The following GALNT15 variants were observed in gnomAD, a reference collection of about 807,000 sequenced individuals.
GALNT15 encodes UDP-GalNAc transferase T15.
Under a neutral mutation model 66.8 loss-of-function variants are expected in GALNT15, and 67 were observed. The ratio of observed to expected loss-of-function variants is 1.00; its 90% confidence interval spans 0.82 to 1.23. The LOEUF is 1.23. Ranked by LOEUF, GALNT15 falls within the 50% of genes most tolerant of loss-of-function variation. The pLI is 0.00. For missense variants in GALNT15, 827 were observed against 804.3 expected, an observed-to-expected ratio of 1.03 and a Z score of -0.34; for synonymous variants, 313 against 311.5, an observed-to-expected ratio of 1.00 and a Z score of -0.05.
At chr3:16,178,042 A>T (rs1365950612) in intron 1 of GALNT15, among the ~76,000 whole-genome samples, 3 of 152,032 alleles carry the variant, frequency 2.0e-5, no homozygotes, top group Non-Finnish European at 4.4e-5. Context: ...TGTACTGTGC[A>T]TGTACTGTGC....
downstream of GALNT15, among the ~76,000 whole-genome samples, chr3:16,236,210 A>C (rs1359475342): frequency 6.6e-6 from 1 of 151,124 alleles, no homozygotes; most frequent in Non-Finnish European, 1.5e-5. Flanking sequence ...GATTGTTGCC[A>C]CATACCACCA....
At chr3:16,213,772 G>A (rs17272376) in intron 6 of GALNT15, among the ~76,000 whole-genome samples, 5,990 of 152,234 alleles carry the variant, frequency 0.039, 173 homozygotes, top group Non-Finnish European at 0.059. Flanking sequence ...AGCCTAGGCC[G>A]CTTAAATGGA....
At position 16,186,470 on chromosome 3, in the gene GALNT15, A is replaced by G. The variant is rs1226352810; in HGVS notation, c.540-9290A>G. Among the ~76,000 whole-genome samples, 1 of 152,242 alleles carries G rather than the reference A, an allele frequency of 6.6e-6. No homozygotes were observed. The highest frequency in any genetic ancestry group is 1.5e-5 in the Non-Finnish European group (1 of 68,044). On this transcript the variant is annotated intron_variant, in intron 1 of 9. Coordinates refer to ENST00000339732, the MANE Select transcript of GALNT15 (RefSeq NM_054110.5). This position sits in a 1 kb window ranked among gnomAD's most constrained non-coding sequence, Gnocchi z 5.1. ...TCAAGAAAATTAAAAACATGTTCAC[A>G]TGAAAACTTATACATGAATATTCAT...
rs1323473802 is a variant in GALNT15, at chr3:16,228,919, C to T, written c.*1419C>T. On this transcript the variant is annotated 3_prime_UTR_variant, in exon 10 of 10. Coordinates refer to ENST00000339732, the MANE Select transcript of GALNT15 (RefSeq NM_054110.5). ...GGAAGAACACGGCTCATCTGGAGCA[C>T]AGCTGAGGCTAGTAAGAGCTAAATG... The T allele has an allele frequency of 1.0e-5, 10 of 985,342 alleles. No individual in the cohort carries two copies. The East Asian group carries it at 3.4e-4, about 33-fold the overall frequency. The allele number at this position is 985,342 out of a possible 1,614,324, so 61.0% of individuals were successfully genotyped here.
At chr3:16,244,811 C>G in the GALNT15 span, among the ~76,000 whole-genome samples, 2 of 151,988 alleles carry the variant, frequency 1.3e-5, no homozygotes, top group African/African-American at 2.4e-5. Flanking sequence ...GCATGTCACC[C>G]AAACTGAGGT....
Position 16,204,130 on chromosome 3 carries a change from C to T in GALNT15, c.911+3307C>T, listed in dbSNP as rs925395234. On this transcript the variant is annotated intron_variant, in intron 3 of 9. Coordinates refer to ENST00000339732, the MANE Select transcript of GALNT15 (RefSeq NM_054110.5). The surrounding 1 kb of genome is among the most constrained non-coding windows in gnomAD (Gnocchi z 4.5). ...AATCAGCTCTTTCAAAGAGCCGTAG[C>T]CTCCTCCACACCCTGGCCAAGGAAT... 1.3e-5 allele frequency among the ~76,000 whole-genome samples: 2 copies of T among 152,068 alleles called. No individual in the cohort carries two copies. Among genetic ancestry groups the T allele is most frequent in the African/African-American group, 4.8e-5 (2 of 41,396 alleles).
the GALNT15 span, among the ~76,000 whole-genome samples, chr3:16,239,802 G>T: frequency 2.0e-5 from 3 of 152,220 alleles, no homozygotes; most frequent in Non-Finnish European, 4.4e-5. The surrounding 1 kb of genome is among the most constrained non-coding windows in gnomAD (Gnocchi z 5.2). Flanking sequence ...AGTGAAGGGG[G>T]TGGGCTTCCC....
Position 16,229,368 on chromosome 3 carries a change from G to A in GALNT15, c.*1868G>A. On this transcript the variant is annotated 3_prime_UTR_variant, in exon 10 of 10. Coordinates refer to ENST00000339732, the MANE Select transcript of GALNT15 (RefSeq NM_054110.5). Reference sequence around the variant, plus strand: ...TAAAACTCAATTCCTCAATTGGGCTGGCCACATTTCAAATGCTCACTACCC... The same window carrying A: ...TAAAACTCAATTCCTCAATTGGGCTAGCCACATTTCAAATGCTCACTACCC... The A allele has an allele frequency of 1.2e-6, 1 of 842,320 alleles. No homozygotes were observed. Among genetic ancestry groups the A allele is most frequent in the Non-Finnish European group, 1.4e-6 (1 of 699,734 alleles). 52.2% of individuals were successfully genotyped at this position (842,320 alleles called of 1,614,324 possible).
rs1186632184 is a variant in GALNT15, at chr3:16,203,461, T to C, written c.911+2638T>C. 6.6e-6 allele frequency among the ~76,000 whole-genome samples: 1 copy of C among 151,886 alleles called. No individual in the cohort carries two copies. The highest frequency in any genetic ancestry group is 2.4e-5 in the African/African-American group (1 of 41,294). On this transcript the variant is annotated intron_variant, in intron 3 of 9. Transcript: ENST00000339732. This position sits in a 1 kb window ranked among gnomAD's most constrained non-coding sequence, Gnocchi z 6.2. ...CCCTCTCCTCTTTTCCTCTCCTGTC[T>C]GTCTCTGCCTCTCTACCTCTCTCAC...
rs1370868573 is a variant in GALNT15, at chr3:16,200,812, A to C, written c.900A>C (p.Ile300=). The change falls in exon 3 of 10, where the codon ATA becomes ATC. Residue 300 remains isoleucine (I), a synonymous_variant. Coordinates refer to ENST00000339732, the MANE Select transcript of GALNT15 (RefSeq NM_054110.5). The surrounding 1 kb of genome is among the most constrained non-coding windows in gnomAD (Gnocchi z 4.4). ...GGCTGGAGCCCCTCCTCAGCAGAAT[A>C]GCTGGTGACAGGTAACTTATTCCCT... The part of the protein sequence containing the change: ...PGWLEPLLSR[I]AGDRSRVVSP... The C allele has an allele frequency of 6.2e-7, 1 of 1,605,554 alleles. No homozygotes were observed. Among genetic ancestry groups the C allele is most frequent in the Admixed American group, 1.7e-5 (1 of 58,760 alleles).
rs370556963 is a variant in GALNT15 at position 16,175,503 on chromosome 3, C to T, written c.352C>T (p.Arg118Cys). The change falls in exon 1 of 10, where the codon CGC (arginine) becomes TGC (cysteine). Residue 118 changes from arginine (R) to cysteine (C), a missense_variant. By Grantham distance (180) the Arg-to-Cys change is radical. Transcript: ENST00000339732. The surrounding 1 kb of genome is among the most constrained non-coding windows in gnomAD (Gnocchi z 5.6). ...QSQGRRGGSY[R>C]LIKQPRRQDK... ...CCAGGGCAGGAGAGGTGGGAGCTAC[C>T]GCCTCATCAAGCAGCCAAGGAGGCA... 1.7e-5 allele frequency: 28 copies of T among 1,613,810 alleles called. No individual in the cohort carries two copies. Among genetic ancestry groups the T allele is most frequent in the African/African-American group, 1.1e-4 (8 of 74,910 alleles).
intron 9 of GALNT15, among the ~76,000 whole-genome samples, chr3:16,226,288 G>A (rs536489614): frequency 3.3e-5 from 5 of 152,174 alleles, no homozygotes; most frequent in Admixed American, 2.0e-4. Context: ...ACAACTTTGT[G>A]AATATACTAA....
Position 16,191,328 on chromosome 3 carries a change from T to C in GALNT15, c.540-4432T>C, listed in dbSNP as rs768871225. 4.2e-5 allele frequency: 41 copies of C among 985,222 alleles called. No homozygotes were observed. Among genetic ancestry groups the C allele is most frequent in the Non-Finnish European group, 4.7e-5 (39 of 829,746 alleles). The allele number at this position is 985,222 out of a possible 1,614,324, so 61.0% of individuals were successfully genotyped here. On this transcript the variant is annotated intron_variant, in intron 1 of 9. Coordinates refer to ENST00000339732, the MANE Select transcript of GALNT15 (RefSeq NM_054110.5). The surrounding 1 kb of genome is among the most constrained non-coding windows in gnomAD (Gnocchi z 5.2). ...GGAAGAGCCTGAGAGGTACCTCTTGTAGTAATGGGACATCTGTTAATAATG... is the reference window on the plus strand; with the variant it reads ...GGAAGAGCCTGAGAGGTACCTCTTGCAGTAATGGGACATCTGTTAATAATG...
downstream of GALNT15, among the ~76,000 whole-genome samples, chr3:16,230,937 T>C (rs1559697810): frequency 6.6e-6 from 1 of 152,092 alleles, no homozygotes; most frequent in Non-Finnish European, 1.5e-5. The surrounding 1 kb of genome is among the most constrained non-coding windows in gnomAD (Gnocchi z 4.5). Flanking sequence ...ATGTGGCACA[T>C]ATACACCATG....
rs975039369 is a variant in GALNT15, at chr3:16,195,328, ATTCTTCAGCCCCACTCC to A, written c.540-431_540-415del. On this transcript the variant is annotated intron_variant, in intron 1 of 9. Transcript: ENST00000339732. This position sits in a 1 kb window ranked among gnomAD's most constrained non-coding sequence, Gnocchi z 4.6. Reference sequence around the variant, plus strand: ...ACCTGGGAGCTTGTTAGAAATGCAAATTCTTCAGCCCCACTCCATCTCCAGAAACTCTGGGGGTGGGC... The same window carrying A: ...ACCTGGGAGCTTGTTAGAAATGCAAAATCTCCAGAAACTCTGGGGGTGGGC... Among the ~76,000 whole-genome samples, 41 of 152,292 alleles carry A rather than the reference ATTCTTCAGCCCCACTCC, an allele frequency of 2.7e-4. No individual in the cohort carries two copies. The highest frequency in any genetic ancestry group is 9.9e-4 in the African/African-American group (41 of 41,572).
At chr3:16,232,498 ATATATATATATATT>A (rs1427879004), downstream of GALNT15, among the ~76,000 whole-genome samples, 1 of 87,690 alleles carries the variant, frequency 1.1e-5, no homozygotes, top group African/African-American at 4.8e-5. Context: ...ATATATATAT[ATATATATATATATT>A]TATTTAAAAG....
At position 16,227,508 on chromosome 3, in the gene GALNT15, T is replaced by C. The variant is rs200285449; in HGVS notation, c.*8T>C. The C allele has an allele frequency of 1.1e-5, 18 of 1,614,142 alleles. No individual in the cohort carries two copies. In the Middle Eastern group the frequency reaches 8.2e-4, roughly 74 times the overall value. ...GCTGTGGATGAACGATGAATGTCAATGTCAGAAGGAAAAGAGAATTTTGGC... is the reference window on the plus strand; with the variant it reads ...GCTGTGGATGAACGATGAATGTCAACGTCAGAAGGAAAAGAGAATTTTGGC... On this transcript the variant is annotated 3_prime_UTR_variant, in exon 10 of 10. Transcript: ENST00000339732. The surrounding 1 kb of genome is among the most constrained non-coding windows in gnomAD (Gnocchi z 4.5).
the GALNT15 span, among the ~76,000 whole-genome samples, chr3:16,245,634 G>A: frequency 7.9e-5 from 12 of 152,208 alleles, no homozygotes; most frequent in Admixed American, 3.3e-4. Context: ...TAGAAGCAGG[G>A]GAGATTACTG....
rs540282548 is a variant in GALNT15, at chr3:16,188,214, CA to C, written c.540-7543del. On this transcript the variant is annotated intron_variant, in intron 1 of 9. Coordinates refer to ENST00000339732, the MANE Select transcript of GALNT15 (RefSeq NM_054110.5). This position sits in a 1 kb window ranked among gnomAD's most constrained non-coding sequence, Gnocchi z 4.6. The stretch of plus-strand genomic sequence containing the variant: ...CTCAGAGGAAAAGAATCACAGAAGG[CA>C]AAGTGTTGCCTGTGGGTGAAGGAAG... Among the ~76,000 whole-genome samples the C allele has an allele frequency of 2.3e-3, 356 of 152,296 alleles. No homozygotes were observed. Among genetic ancestry groups the C allele is most frequent in the Non-Finnish European group, 4.1e-3 (281 of 68,026 alleles).
Sources: allele counts gnomAD v4.1 joint callset (sites outside exome capture counted in the v4.1 genomes callset), GRCh38; gene constraint gnomAD v4.1.1; non-coding constraint Gnocchi (gnomAD v3.1); transcripts MANE v1.5; gene names NCBI Gene and HGNC (gene_info 2026-07-23, HGNC 2026-07-21).